The following AMMECR1 variants were observed in gnomAD, a reference collection of about 807,000 sequenced individuals.
AMMECR1 encodes AMMECR nuclear protein 1, also known as nuclear protein AMMECR1.
In AMMECR1, 3 loss-of-function variants were observed where a neutral mutation model predicts 22.5. That is an observed-to-expected ratio of 0.13 (90% CI 0.06 to 0.35). AMMECR1 has a LOEUF of 0.35. Ranked by LOEUF, AMMECR1 falls within the 10% of genes least tolerant of loss-of-function variation. The pLI, the probability that AMMECR1 is intolerant of heterozygous loss-of-function variation, is 1.00. For missense variants in AMMECR1, 235 were observed against 278.7 expected (o/e 0.84, Z 1.12); for synonymous variants, 130 against 116.7 (o/e 1.11, Z -0.74).
At chrX:110,352,795 A>C (rs2068216052) in intron 2 of AMMECR1, among the ~76,000 whole-genome samples, 2 of 112,214 alleles carry the variant, frequency 1.8e-5, no homozygotes, top group South Asian at 7.4e-4. Flanking sequence ...GCAGTGGAAT[A>C]ATTAATAAGC....
At chrX:110,275,185 G>C (rs1391562928) in intron 1 of AMMECR1, among the ~76,000 whole-genome samples, 2 of 111,738 alleles carry the variant, frequency 1.8e-5, no homozygotes. Flanking sequence ...ACTTTGTAGA[G>C]ATCCAAGTTT....
At chrX:110,279,452 C>T (rs1229951937) in intron 1 of AMMECR1, among the ~76,000 whole-genome samples, 1 of 112,203 alleles carries the variant, frequency 8.9e-6, no homozygotes, top group East Asian at 2.8e-4. Flanking sequence ...TATTGGACTA[C>T]AGAATTATAT....
At chrX:110,236,044 A>G (rs997093582) in intron 2 of AMMECR1, among the ~76,000 whole-genome samples, 12 of 112,056 alleles carry the variant, frequency 1.1e-4, no homozygotes, top group African/African-American at 3.6e-4. Flanking sequence ...AGAAAAGGGC[A>G]ATGGATAAAA....
intron 2 of AMMECR1, among the ~76,000 whole-genome samples, chrX:110,252,341 G>A (rs1415492129): frequency 1.8e-5 from 2 of 111,300 alleles, no homozygotes; most frequent in Admixed American, 9.6e-5. Context: ...CCAACACTTA[G>A]GGAAGCAGAG....
chrX:110,387,326 G>C (rs2068462702), intron 2 of AMMECR1, among the ~76,000 whole-genome samples: 2 of 111,975 alleles, frequency 1.8e-5, no homozygotes, highest in African/African-American at 6.5e-5. Context: ...GACACGTTTG[G>C]TTTGGTCCAA....
intron 2 of AMMECR1, among the ~76,000 whole-genome samples, chrX:110,217,763 C>T (rs1338323737): frequency 4.5e-5 from 5 of 111,050 alleles, no homozygotes; most frequent in Non-Finnish European, 9.5e-5. Context: ...GTTCCATAGA[C>T]TTGGAAAGAA....
At position 110,352,550 on chromosome X, in the gene AMMECR1, G is replaced by A. The variant is rs973575760; in HGVS notation, c.-147-34701C>T. ...GTGCCCTAGGGGTGGGGTGGAGAGA[G>A]GGTTTGCCAGGTAATGGGAGTGACT... On this transcript the variant is annotated intron_variant, in intron 2 of 7. Transcript: ENST00000372057. 4.5e-5 allele frequency among the ~76,000 whole-genome samples: 5 copies of A among 111,781 alleles called. No homozygotes were observed. The Admixed American group carries it at 4.8e-4, about 11-fold the overall frequency.
At chrX:110,266,671 G>C (rs913422597) in intron 1 of AMMECR1, among the ~76,000 whole-genome samples, 2 of 109,502 alleles carry the variant, frequency 1.8e-5, no homozygotes, top group African/African-American at 6.7e-5. Flanking sequence ...GTGAGACACC[G>C]TGCCCAGCCT....
intron 1 of AMMECR1, among the ~76,000 whole-genome samples, chrX:110,272,129 TG>T (rs2067802298): frequency 1.8e-5 from 2 of 109,958 alleles, no homozygotes; most frequent in South Asian, 7.9e-4. Context: ...GGCAGGAGAA[TG>T]GCGTGAACCC....
intron 2 of AMMECR1, among the ~76,000 whole-genome samples, chrX:110,411,276 A>C (rs1369791367): frequency 8.9e-6 from 1 of 111,978 alleles, no homozygotes; most frequent in African/African-American, 3.2e-5. Flanking sequence ...AGATCTGGGA[A>C]GAGTTTGGTC....
intron 2 of AMMECR1, among the ~76,000 whole-genome samples, chrX:110,241,518 C>T (rs750247944): frequency 3.2e-4 from 36 of 111,379 alleles, no homozygotes; most frequent in Non-Finnish European, 5.8e-4. Flanking sequence ...CATACACCCG[C>T]CCAAAACTGG....
intron 2 of AMMECR1, among the ~76,000 whole-genome samples, chrX:110,223,466 G>A (rs764829896): frequency 8.9e-6 from 1 of 111,978 alleles, no homozygotes; most frequent in Admixed American, 9.5e-5. Flanking sequence ...AGAAAAAAAT[G>A]TGTGGGTTTG....
chrX:110,226,947 T>C (rs1038654224), intron 2 of AMMECR1, among the ~76,000 whole-genome samples: 1 of 111,868 alleles, frequency 8.9e-6, no homozygotes, highest in African/African-American at 3.2e-5. Context: ...TTGAAAAACA[T>C]CTGTTTTATC....
chrX:110,379,204 A>G (rs955076500), intron 2 of AMMECR1, among the ~76,000 whole-genome samples: 6 of 112,104 alleles, frequency 5.4e-5, no homozygotes, highest in Admixed American at 1.9e-4. Flanking sequence ...CATTTCTATT[A>G]TAGCTTTCAA....
At chrX:110,299,986 A>T (rs1003639107) in intron 1 of AMMECR1, among the ~76,000 whole-genome samples, 1 of 112,235 alleles carries the variant, frequency 8.9e-6, no homozygotes, top group Non-Finnish European at 1.9e-5. Context: ...TGCAATGAAC[A>T]TGGGGGCACA....
Position 110,312,223 on chromosome X carries a change from C to T in AMMECR1, c.473+5376G>A, listed in dbSNP as rs926488185. On this transcript the variant is annotated intron_variant, in intron 1 of 5. Coordinates refer to ENST00000262844, the MANE Select transcript of AMMECR1 (RefSeq NM_015365.3). Reference sequence around the variant, plus strand: ...TAAAACTGTCTATAAATAGGAAATGCAATTCACTTCAAAAATATAATCCAC... The same window carrying T: ...TAAAACTGTCTATAAATAGGAAATGTAATTCACTTCAAAAATATAATCCAC... Among the ~76,000 whole-genome samples the T allele has an allele frequency of 2.7e-5, 3 of 112,033 alleles. No individual in the cohort carries two copies. The Admixed American group carries it at 2.8e-4, about 11-fold the overall frequency.
intron 2 of AMMECR1, among the ~76,000 whole-genome samples, chrX:110,407,135 A>C (rs1419863464): frequency 8.9e-6 from 1 of 112,269 alleles, no homozygotes; most frequent in African/African-American, 3.2e-5. Flanking sequence ...ATTTTATAGG[A>C]AAGTGGGAAC....
chrX:110,417,243 G>T (rs2068683902), intron 2 of AMMECR1, among the ~76,000 whole-genome samples: 1 of 112,093 alleles, frequency 8.9e-6, no homozygotes, highest in African/African-American at 3.3e-5. Flanking sequence ...AGCTTGGAGG[G>T]AGGGGGAGTG....
Position 110,198,542 on chromosome X carries a change from G to A in AMMECR1, c.980C>T (p.Pro327Leu), listed in dbSNP as rs771788617. Residue 327 changes from proline (P) to leucine (L), a missense_variant, in exon 6 of 6, where the codon CCG becomes CTG. Transcript: ENST00000262844. ...HFQNGIGHPL[P>L]PYNHYS ...GTGTCAGGAATAATGGTTGTATGGC[G>A]GAAGGGGATGCCCAATGCCATTTTG... 8 of 1,190,977 alleles carry A rather than the reference G, an allele frequency of 6.7e-6. No individual in the cohort carries two copies. Among genetic ancestry groups the A allele is most frequent in the East Asian group, 3.0e-5 (1 of 33,229 alleles).
Sources: gnomAD v4.1 joint callset for allele counts (sites outside exome capture counted in the v4.1 genomes callset) on GRCh38, gnomAD v4.1.1 for gene constraint, MANE v1.5 for transcripts, NCBI Gene and HGNC (gene_info 2026-07-23, HGNC 2026-07-21) for gene names.